The following CCP110 variants were observed in gnomAD, a reference collection of about 807,000 sequenced individuals.
CCP110 encodes the protein centriolar coiled-coil protein 110.
In CCP110, 43 loss-of-function variants were observed where a neutral mutation model predicts 105.5. That is an observed-to-expected ratio of 0.41 (90% CI 0.32 to 0.53). CCP110 has a LOEUF of 0.53. CCP110 is among the 20% of genes least tolerant of loss of function. The probability of loss-of-function intolerance (pLI) is 0.32; values close to 1 mark genes in which losing one functional copy is unlikely to be tolerated. For synonymous variants in CCP110, 353 were observed against 392.1 expected (o/e 0.90, Z 1.18); for missense variants, 1,016 against 1,189.1 (o/e 0.85, Z 2.14).
At chr16:19,536,987 G>A (rs745500763) in exon 4 of CCP110, 3 of 1,614,082 alleles carry the variant, frequency 1.9e-6, no homozygotes, top group Non-Finnish European at 2.5e-6. Context: ...TTCAAGCAAG[G>A]TTTATGTGGG....
intron 5 of CCP110, 50 bp downstream of exon 5, chr16:19,540,837 A>T: frequency 6.3e-7 from 1 of 1,575,070 alleles, no homozygotes; most frequent in Non-Finnish European, 8.6e-7. Context: ...TTAGCCAAGG[A>T]TACCTATGAA....
At chr16:19,536,727 T>C (rs1027345319) in exon 4 of CCP110, 42 of 1,614,056 alleles carry the variant, frequency 2.6e-5, no homozygotes, top group Non-Finnish European at 3.6e-5. Context: ...GAAAATAATG[T>C]TATCAAAAGT....
intron 2 of CCP110, 148 bp from the exon 3 acceptor site, chr16:19,532,268 A>T: frequency 1.7e-6 from 1 of 594,140 alleles, no homozygotes; most frequent in Non-Finnish European, 2.8e-6. Context: ...GCCCCATCCC[A>T]CTCAGTACCC....
chr16:19,526,115 C>T (rs1969663005), intron 1 of CCP110: 1 of 152,132 alleles, frequency 6.6e-6, no homozygotes, highest in Admixed American at 6.5e-5. Context: ...TAGTACTATA[C>T]ATCTGCAAGA....
exon 4 of CCP110, chr16:19,536,440 T>G: frequency 2.5e-6 from 4 of 1,613,932 alleles, no homozygotes; most frequent in Non-Finnish European, 3.4e-6. Context: ...GAATTGTTAA[T>G]GAGAGTCATT....
At chr16:19,544,105 A>G (rs11640277) in intron 8 of CCP110, among the ~76,000 whole-genome samples, 30,456 of 152,076 alleles carry the variant, frequency 0.2, 3,207 homozygotes, top group African/African-American at 0.24. Context: ...TGGTCCTACC[A>G]ATATGTGATG....
At chr16:19,541,842 A>T in intron 5 of CCP110, 45 bp from the exon 6 acceptor site, 2 of 1,103,168 alleles carry the variant, frequency 1.8e-6, no homozygotes, top group Non-Finnish European at 2.5e-6. Context: ...ATTTTGGGAC[A>T]TAATTAAAAG....
chr16:19,531,352 A>G (rs1969860136), intron 2 of CCP110, among the ~76,000 whole-genome samples: 1 of 152,186 alleles, frequency 6.6e-6, no homozygotes, highest in Non-Finnish European at 1.5e-5. Context: ...TTTTAATGAT[A>G]TATTTTCTAT....
At chr16:19,527,690 G>T (rs1435667525) in intron 1 of CCP110, 177 bp from the exon 2 acceptor site, 3 of 409,954 alleles carry the variant, frequency 7.3e-6, no homozygotes, top group Non-Finnish European at 1.3e-5. Context: ...AATTGGACAG[G>T]TTCTTGAGGT....
At chr16:19,541,847 TA>T (rs756601375) in intron 5 of CCP110, 39 bp from the exon 6 acceptor site, 16 of 1,182,700 alleles carry the variant, frequency 1.4e-5, no homozygotes, top group Non-Finnish European at 1.7e-5. Context: ...GGGACATAAT[TA>T]AAAGGTTTAG....
chr16:19,530,558 A>G (rs1969829231), intron 2 of CCP110, among the ~76,000 whole-genome samples: 1 of 151,804 alleles, frequency 6.6e-6, no homozygotes, highest in African/African-American at 2.4e-5. Flanking sequence ...AGGCAGGAGG[A>G]TCCCTTGAAC....
intron 2 of CCP110, among the ~76,000 whole-genome samples, chr16:19,530,208 C>A (rs932867976): frequency 4.6e-5 from 7 of 151,706 alleles, no homozygotes; most frequent in African/African-American, 1.2e-4. Flanking sequence ...AAAAAAATAA[C>A]AAAACTATGA....
rs541602710 is a variant in CCP110 at position 19,543,619 on chromosome 16, G to A, written c.2484+625G>A. On this transcript the variant is annotated intron_variant, in intron 8 of 14. Coordinates refer to ENST00000381396, the Ensembl canonical transcript of CCP110. ...TCTTGCAGAGAGCCTATAAACGGAC[G>A]TGCAAGTAGGGAAGATATTGCTAAA... 5.3e-5 allele frequency among the ~76,000 whole-genome samples: 8 copies of A among 152,280 alleles called. No individual in the cohort carries two copies. The East Asian group carries it at 5.8e-4, about 11-fold the overall frequency.
exon 5 of CCP110, chr16:19,540,679 C>A: frequency 6.2e-7 from 1 of 1,612,824 alleles, no homozygotes; most frequent in East Asian, 2.2e-5. Context: ...TACTAAAAAG[C>A]AAGATGTTAG....
chr16:19,542,538 G>A, intron 6 of CCP110, 83 bp from the exon 7 acceptor site: 1 of 1,018,200 alleles, frequency 9.8e-7, no homozygotes, highest in Non-Finnish European at 1.5e-6. Context: ...TATTCTTAAT[G>A]AGTGTCACAA....
chr16:19,532,364 T>A (rs1969899420), intron 2 of CCP110, 52 bp from the exon 3 acceptor site: 8 of 1,481,800 alleles, frequency 5.4e-6, no homozygotes, highest in Non-Finnish European at 7.3e-6. Context: ...ACTTCCCGAT[T>A]TTATGATATT....
Position 19,548,247 on chromosome 16 carries a change from C to T in CCP110, c.2900+233C>T. 1 of 578,530 alleles carries T rather than the reference C, an allele frequency of 1.7e-6. No individual in the cohort carries two copies. Among genetic ancestry groups the T allele is most frequent in the South Asian group, 2.3e-5 (1 of 43,240 alleles). The allele number at this position is 578,530 out of a possible 1,614,324, so 35.8% of individuals were successfully genotyped here. A position where few individuals can be genotyped will look rare whatever the true frequency, so the allele number is the denominator to read the frequency against. ...GTTGGGATGTTTTTACTTTTCATTT[C>T]ATACCATTTTACTCATAAAGTATTT... On this transcript the variant is annotated intron_variant, in intron 13 of 14. Coordinates refer to ENST00000381396, the Ensembl canonical transcript of CCP110. The surrounding 1 kb of genome is among the most constrained non-coding windows in gnomAD (Gnocchi z 4.1).
At chr16:19,541,709 GAGGGAGGGAGGGAAGGGAAGGGA>G in intron 5 of CCP110, among the ~76,000 whole-genome samples, 155 bp from the exon 6 acceptor site, 1 of 149,704 alleles carries the variant, frequency 6.7e-6, no homozygotes, top group African/African-American at 2.4e-5. Flanking sequence ...GAAAAGAAAA[GAGGGAGGGAGGGAAGGGAAGGGA>G]AGGGAGAAGG....
intron 3 of CCP110, among the ~76,000 whole-genome samples, chr16:19,535,632 A>T (rs1970024278): frequency 6.6e-6 from 1 of 152,352 alleles, no homozygotes; most frequent in Non-Finnish European, 1.5e-5. Flanking sequence ...GCACATGGAT[A>T]TATGAATATA....
Sources: gnomAD v4.1 joint callset for allele counts (sites outside exome capture counted in the v4.1 genomes callset) on GRCh38, gnomAD v4.1.1 for gene constraint, Gnocchi (gnomAD v3.1) non-coding constraint, MANE v1.5 for transcripts, NCBI Gene and HGNC (gene_info 2026-07-23, HGNC 2026-07-21) for gene names.